The following CNTLN variants were observed in gnomAD, a reference collection of about 807,000 sequenced individuals.
CNTLN encodes centlein.
CNTLN carries 212 observed loss-of-function variants against 180.0 expected under a neutral mutation model. The observed-to-expected ratio is 1.18, with a 90% confidence interval of 1.05 to 1.32. The LOEUF (loss-of-function observed/expected upper bound fraction) is 1.32, where lower values mean the gene tolerates loss of function less well. Ranked by LOEUF, CNTLN falls within the 40% of genes most tolerant of loss-of-function variation. The pLI is 0.00. For synonymous variants in CNTLN, 722 were observed against 563.1 expected, an observed-to-expected ratio of 1.28 and a Z score of -3.99; for missense variants, 2,095 against 1,610.9, an observed-to-expected ratio of 1.30 and a Z score of -5.14.
intron 2 of CNTLN, among the ~76,000 whole-genome samples, chr9:17,151,716 A>C (rs575931022): frequency 1.6e-4 from 24 of 152,178 alleles, no homozygotes; most frequent in Non-Finnish European, 1.9e-4. Context: ...TGTTGTTTGG[A>C]ATAGTTTCAG....
intron 2 of CNTLN, among the ~76,000 whole-genome samples, chr9:17,147,562 C>T (rs1251985311): frequency 6.6e-6 from 1 of 152,088 alleles, no homozygotes; most frequent in Non-Finnish European, 1.5e-5. Flanking sequence ...TTATTTGTCT[C>T]TATGAGTCTA....
At chr9:17,455,918 A>T (rs537652727) in intron 18 of CNTLN, among the ~76,000 whole-genome samples, 102 of 152,178 alleles carry the variant, frequency 6.7e-4, no homozygotes, top group Admixed American at 2.1e-3. Flanking sequence ...TTTGAGCTTT[A>T]TTCTGTTGGA....
At chr9:17,292,918 G>A (rs556593544) in intron 6 of CNTLN, among the ~76,000 whole-genome samples, 2 of 152,236 alleles carry the variant, frequency 1.3e-5, no homozygotes, top group East Asian at 3.9e-4. Flanking sequence ...TCTCATCTTT[G>A]TGAGTTTACC....
At chr9:17,301,058 C>G in intron 7 of CNTLN, 1 of 985,294 alleles carries the variant, frequency 1.0e-6, no homozygotes, top group Non-Finnish European at 1.2e-6. Context: ...GGGGCCTGTT[C>G]CAAGACTAAG....
At chr9:17,521,813 C>T in the CNTLN span, among the ~76,000 whole-genome samples, 2 of 152,196 alleles carry the variant, frequency 1.3e-5, no homozygotes. Flanking sequence ...GCTGCTTCAA[C>T]AAGTCCTGAA....
chr9:17,264,750 CT>C (rs1244577996), intron 5 of CNTLN, among the ~76,000 whole-genome samples: 1 of 152,000 alleles, frequency 6.6e-6, no homozygotes, highest in East Asian at 1.9e-4. Context: ...TGAAGAGGTC[CT>C]TCACATCCCT....
chr9:17,163,530 G>A (rs1563837882), intron 2 of CNTLN, among the ~76,000 whole-genome samples: 1 of 152,104 alleles, frequency 6.6e-6, no homozygotes, highest in Non-Finnish European at 1.5e-5. Flanking sequence ...AATTATTTCT[G>A]TGTGTCAGTT....
intron 18 of CNTLN, among the ~76,000 whole-genome samples, chr9:17,451,957 G>T (rs948570955): frequency 6.6e-6 from 1 of 152,162 alleles, no homozygotes; most frequent in African/African-American, 2.4e-5. Flanking sequence ...CATTTTAGAA[G>T]TAAAGAGCTA....
chr9:17,296,223 A>G (rs1053496139), intron 6 of CNTLN, among the ~76,000 whole-genome samples: 17 of 151,610 alleles, frequency 1.1e-4, no homozygotes, highest in African/African-American at 4.1e-4. Context: ...CTGGTCTCGA[A>G]CTCCTGACCT....
rs184511911 is a variant in CNTLN at position 17,267,876 on chromosome 9, T to G, written c.850-5857T>G. ...GTCCACGTAGCTCTTGTGCCTTGGT[T>G]TTCAGCTCCATCAGGTTCTTTAAGG... On this transcript the variant is annotated intron_variant, in intron 5 of 25. Coordinates refer to ENST00000380647, the MANE Select transcript of CNTLN (RefSeq NM_017738.4). 1.1e-3 allele frequency among the ~76,000 whole-genome samples: 170 copies of G among 152,340 alleles called. 2 individuals are homozygous for G. Among genetic ancestry groups the G allele is most frequent in the African/African-American group, 3.8e-3 (156 of 41,580 alleles).
chr9:17,384,446 C>A (rs1164688108), intron 13 of CNTLN, among the ~76,000 whole-genome samples: 1 of 152,266 alleles, frequency 6.6e-6, no homozygotes, highest in East Asian at 1.9e-4. Context: ...TAGATTCTTC[C>A]CAGGCCTCCT....
At chr9:17,363,423 C>A (rs539152428) in intron 12 of CNTLN, among the ~76,000 whole-genome samples, 2 of 151,988 alleles carry the variant, frequency 1.3e-5, no homozygotes, top group Non-Finnish European at 2.9e-5. Context: ...TTCTAACTGG[C>A]GTGAGATGGT....
At chr9:17,189,914 C>G (rs1821689660) in intron 2 of CNTLN, among the ~76,000 whole-genome samples, 1 of 152,008 alleles carries the variant, frequency 6.6e-6, no homozygotes, top group Non-Finnish European at 1.5e-5. Context: ...ATTTTTCAGT[C>G]TGCTGCTTTC....
At chr9:17,298,047 A>G (rs1428029884) in intron 6 of CNTLN, 143 bp from the exon 7 acceptor site, 2 of 514,490 alleles carry the variant, frequency 3.9e-6, no homozygotes, top group South Asian at 7.2e-5. Flanking sequence ...ATATGTCATT[A>G]TTTCTTTTAT....
At chr9:17,329,172 A>G (rs1464135763) in intron 8 of CNTLN, among the ~76,000 whole-genome samples, 1 of 151,974 alleles carries the variant, frequency 6.6e-6, no homozygotes, top group Non-Finnish European at 1.5e-5. Flanking sequence ...TAAACAAATT[A>G]TTTAAAATTT....
chr9:17,168,154 T>C (rs756638822), intron 2 of CNTLN: 2 of 152,248 alleles, frequency 1.3e-5, no homozygotes, highest in African/African-American at 4.8e-5. Context: ...ATAAGGCATG[T>C]TGAGTTATTG....
chr9:17,387,785 C>A (rs1420953140), intron 13 of CNTLN, among the ~76,000 whole-genome samples: 4 of 151,868 alleles, frequency 2.6e-5, no homozygotes, highest in Non-Finnish European at 5.9e-5. Context: ...TGGCAGGGAA[C>A]AAGATCCAGA....
At chr9:17,478,407 T>C (rs1413242798) in intron 23 of CNTLN, among the ~76,000 whole-genome samples, 1 of 152,194 alleles carries the variant, frequency 6.6e-6, no homozygotes, top group Non-Finnish European at 1.5e-5. Context: ...TTTAGTTTGA[T>C]GTAGTCCTAC....
At chr9:17,197,108 C>T (rs757761223) in intron 2 of CNTLN, among the ~76,000 whole-genome samples, 4 of 152,080 alleles carry the variant, frequency 2.6e-5, no homozygotes, top group Admixed American at 6.6e-5. Context: ...ACTCACGGTA[C>T]CTCAGTTCCT....
Sources: gnomAD v4.1 joint callset for allele counts (sites outside exome capture counted in the v4.1 genomes callset) on GRCh38, gnomAD v4.1.1 for gene constraint, MANE v1.5 for transcripts, NCBI Gene and HGNC (gene_info 2026-07-23, HGNC 2026-07-21) for gene names.